SPRY3: variants seen among roughly 807,000 people sequenced by gnomAD.
SPRY3 encodes protein sprouty homolog 3.
SPRY3 carries 15 observed loss-of-function variants against 20.2 expected under a neutral mutation model. The observed-to-expected ratio is 0.74, with a 90% CI of 0.50 to 1.14. The LOEUF (loss-of-function observed/expected upper bound fraction) is 1.14, where lower values mean the gene tolerates loss of function less well. Ranked by LOEUF, SPRY3 falls within the 50% of genes most tolerant of loss-of-function variation. The pLI is 0.00. For synonymous variants in SPRY3, 143 were observed against 136.5 expected (o/e 1.05, Z -0.33); for missense variants, 364 against 363.9 (o/e 1.00, Z 0.00).
chrX:155,675,615 T>C (rs782134188), intron 2 of SPRY3, among the ~76,000 whole-genome samples: 41 of 111,483 alleles, frequency 3.7e-4, no homozygotes, highest in Non-Finnish European at 7.2e-4. Context: ...GCAAAGGACA[T>C]CCAAATGACT....
At chrX:155,687,191 A>G (rs998296604) in intron 2 of SPRY3, among the ~76,000 whole-genome samples, 4 of 112,771 alleles carry the variant, frequency 3.5e-5, no homozygotes, top group Non-Finnish European at 5.6e-5. Context: ...AAGGTTTTCC[A>G]CATAAGTCCT....
At chrX:155,618,661 G>A (rs1340238228) in intron 1 of SPRY3, among the ~76,000 whole-genome samples, 1 of 111,726 alleles carries the variant, frequency 9.0e-6, no homozygotes, top group Non-Finnish European at 1.9e-5. Flanking sequence ...ATGTATGAAA[G>A]ATCCAGCTTC....
intron 1 of SPRY3, among the ~76,000 whole-genome samples, chrX:155,649,940 T>A (rs782281454): frequency 2.7e-5 from 3 of 111,683 alleles, no homozygotes; most frequent in Non-Finnish European, 1.9e-5. Context: ...AAAATCAATG[T>A]GCAAAAATCA....
At chrX:155,755,551 A>G (rs1271464969) in intron 2 of SPRY3, among the ~76,000 whole-genome samples, 1 of 152,002 alleles carries the variant, frequency 6.6e-6, no homozygotes, top group Non-Finnish European at 1.5e-5. Context: ...AATGTGGGTT[A>G]TTTTGGCACC....
At chrX:155,649,131 C>T (rs1445459631) in intron 1 of SPRY3, among the ~76,000 whole-genome samples, 2 of 111,476 alleles carry the variant, frequency 1.8e-5, no homozygotes, top group Non-Finnish European at 3.8e-5. Flanking sequence ...AATTAAATAG[C>T]CTACCAACCA....
At chrX:155,693,115 T>C (rs968553037) in intron 2 of SPRY3, among the ~76,000 whole-genome samples, 1 of 111,591 alleles carries the variant, frequency 9.0e-6, no homozygotes, top group African/African-American at 3.2e-5. Context: ...CAAAAAACAT[T>C]TACAACTTTG....
downstream of SPRY3, chrX:155,780,821 A>G (rs1040458403): frequency 2.4e-5 from 4 of 167,026 alleles, no homozygotes; most frequent in Non-Finnish European, 2.9e-5. Flanking sequence ...AAAGAAAGAA[A>G]AAAGTAATGG....
At chrX:155,777,406 T>C (rs904388494), downstream of SPRY3, 3 of 166,832 alleles carry the variant, frequency 1.8e-5, no homozygotes, top group Non-Finnish European at 4.4e-5. Context: ...TTCTGCCATA[T>C]ACCCAGAGGA....
chrX:155,684,773 C>T (rs1477797810), intron 2 of SPRY3, among the ~76,000 whole-genome samples: 7 of 110,026 alleles, frequency 6.4e-5, no homozygotes, highest in African/African-American at 2.3e-4. Flanking sequence ...TGTCAGAAAA[C>T]TTTTTTTTTA....
intron 1 of SPRY3, among the ~76,000 whole-genome samples, chrX:155,647,917 A>AC (rs1557351997): frequency 9.0e-6 from 1 of 111,658 alleles, no homozygotes; most frequent in East Asian, 2.8e-4. Flanking sequence ...TTACCCTCCC[A>AC]CCAACAGTGT....
At chrX:155,767,409 C>G (rs1302605874) in intron 2 of SPRY3, among the ~76,000 whole-genome samples, 1 of 152,104 alleles carries the variant, frequency 6.6e-6, no homozygotes, top group Non-Finnish European at 1.5e-5. Context: ...CCAACACACC[C>G]TGAGCCATAT....
intron 2 of SPRY3, among the ~76,000 whole-genome samples, chrX:155,749,431 T>C (rs991363453): frequency 4.6e-5 from 7 of 151,716 alleles, no homozygotes; most frequent in Non-Finnish European, 7.4e-5. Flanking sequence ...ATTATATAGA[T>C]AGAGTGGGAA....
At chrX:155,755,390 A>G (rs2091280149) in intron 2 of SPRY3, among the ~76,000 whole-genome samples, 1 of 152,064 alleles carries the variant, frequency 6.6e-6, no homozygotes, top group South Asian at 2.1e-4. Context: ...ATAGACATTA[A>G]CCCTAATGTA....
intron 3 of SPRY3, 95 bp downstream of exon 2, chrX:155,768,231 G>C (rs924412260): frequency 0.02 from 2 of 102 alleles, no homozygotes; most frequent in Non-Finnish European, 0.031. Context: ...CTGTCTCTGT[G>C]TGCGTGTGTG....
At chrX:155,662,733 C>A (rs2068014349) in intron 2 of SPRY3, among the ~76,000 whole-genome samples, 1 of 100,582 alleles carries the variant, frequency 9.9e-6, no homozygotes, top group African/African-American at 3.6e-5. Context: ...GTTATGCATT[C>A]AAAGAAATTT....
rs188495049 is a variant in SPRY3, at chrX:155,723,090, C to T, written c.-281-44872C>T. On this transcript the variant is annotated intron_variant, in intron 2 of 3. Transcript: ENST00000675360. ...GAATGATGGTTTCCAGCTTCATCCA[C>T]GTCCCTGAAAAGGACATGAACTCAT... 2.5e-3 allele frequency among the ~76,000 whole-genome samples: 383 copies of T among 152,164 alleles called. No individual in the cohort carries two copies. In the Middle Eastern group the frequency reaches 0.065, roughly 26 times the overall value.
chrX:155,691,626 CT>C (rs1454669645), intron 2 of SPRY3, among the ~76,000 whole-genome samples: 1 of 87,107 alleles, frequency 1.1e-5, no homozygotes, highest in Non-Finnish European at 2.1e-5. Flanking sequence ...GTGAGCTGCA[CT>C]TTTTTTTCTA....
At chrX:155,692,153 G>A (rs1185983319) in intron 2 of SPRY3, among the ~76,000 whole-genome samples, 1 of 110,540 alleles carries the variant, frequency 9.0e-6, no homozygotes, top group Non-Finnish European at 1.9e-5. Context: ...GGGGAGGAGG[G>A]ATAAAGAGGG....
At chrX:155,752,768 G>A (rs2091269429) in intron 2 of SPRY3, among the ~76,000 whole-genome samples, 1 of 151,816 alleles carries the variant, frequency 6.6e-6, no homozygotes, top group African/African-American at 2.4e-5. Flanking sequence ...GCAAGAGTGT[G>A]AGAAAATGAG....
Sources: allele counts gnomAD v4.1 joint callset (sites outside exome capture counted in the v4.1 genomes callset), GRCh38; gene constraint gnomAD v4.1.1; transcripts MANE v1.5; gene names NCBI Gene and HGNC (gene_info 2026-07-23, HGNC 2026-07-21).